Variants in ZNF571 observed in about 807,000 individuals in gnomAD.
ZNF571 encodes the protein zinc finger protein 571.
Under a neutral mutation model 7.7 loss-of-function variants are expected in ZNF571, and 4 were observed. The ratio of observed to expected loss-of-function variants is 0.52; its 90% CI spans 0.25 to 1.18. The LOEUF is 1.18. ZNF571 is among the 50% of genes most tolerant of loss of function. ZNF571 has a pLI of 0.14. For synonymous variants in ZNF571, 251 were observed against 232.4 expected, an observed-to-expected ratio of 1.08 and a Z score of -0.73; for missense variants, 704 against 726.9, an observed-to-expected ratio of 0.97 and a Z score of 0.36.
chr19:37,565,125 T>G lies in ZNF571; in HGVS notation c.1303A>C (p.Ser435Arg), dbSNP rs2042804008. 5.0e-6 allele frequency: 8 copies of G among 1,613,268 alleles called. No individual in the cohort carries two copies. The highest frequency in any genetic ancestry group is 6.8e-6 in the Non-Finnish European group (8 of 1,179,454). Reference protein sequence around the residue: ...GKAFICGKQLSEHQRIHTGEK... With the variant: ...GKAFICGKQLREHQRIHTGEK... ...CCTGTATGAATTCTCTGATGTTCAC[T>G]AAGTTGTTTGCCACAAATAAAGGCC... The change falls in exon 4 of 4, where the codon AGT (serine) becomes CGT (arginine). Residue 435 changes from serine (S) to arginine (R), a missense_variant. Ser to Arg is a moderately radical substitution (Grantham distance 110, BLOSUM62 -1). Transcript: ENST00000451802.
chr19:37,589,560 G>T (rs974303825), intron 1 of ZNF571, among the ~76,000 whole-genome samples: 1 of 151,880 alleles, frequency 6.6e-6, no homozygotes, highest in African/African-American at 2.4e-5. Context: ...AAATTGAAAC[G>T]AAATTGAGAA....
At chr19:37,590,027 A>G (rs140106325) in intron 1 of ZNF571, among the ~76,000 whole-genome samples, 4 of 152,034 alleles carry the variant, frequency 2.6e-5, no homozygotes, top group African/African-American at 9.7e-5. Flanking sequence ...TTTCCATTAA[A>G]AGAGACTAAA....
At position 37,566,056 on chromosome 19, in the gene ZNF571, G is replaced by A. The variant is rs1044945224; in HGVS notation, c.372C>T (p.Thr124=). The change falls in exon 4 of 4, where the codon ACC becomes ACT. Residue 124 remains threonine (T), a synonymous_variant. Coordinates refer to ENST00000451802, the MANE Select transcript of ZNF571 (RefSeq NM_016536.5). ...GAATTATCCGATGAAAAGTAGAAGA[G>A]GTTGAATGACTTTCAGTGGCCTTTT... ...CEEKATESHS[T]SSTFHRIIPT... is the part of the protein sequence containing the mutation. The A allele has an allele frequency of 3.1e-6, 5 of 1,613,966 alleles. No homozygotes were observed. The highest frequency in any genetic ancestry group is 4.2e-6 in the Non-Finnish European group (5 of 1,179,960).
At position 37,565,714 on chromosome 19, in the gene ZNF571, G is replaced by T; in HGVS notation, c.714C>A (p.Leu238=). The T allele has an allele frequency of 6.2e-7, 1 of 1,613,758 alleles. No homozygotes were observed. Among genetic ancestry groups the T allele is most frequent in the Non-Finnish European group, 8.5e-7 (1 of 1,179,896 alleles). The change falls in exon 4 of 4, where the codon CTC becomes CTA. Residue 238 remains leucine (L), a synonymous_variant. Coordinates refer to ENST00000451802, the MANE Select transcript of ZNF571 (RefSeq NM_016536.5). ...CGKAFIRGSQ[L]TEHQRVHTGE... ...CTGTATGAACTCTCTGATGTTCAGT[G>T]AGCTGTGAACCACGAATAAAAGCTT...
At position 37,565,391 on chromosome 19, in the gene ZNF571, C is replaced by T; in HGVS notation, c.1037G>A (p.Cys346Tyr). 3 of 1,613,550 alleles carry T rather than the reference C, an allele frequency of 1.9e-6. No individual in the cohort carries two copies. The highest frequency in any genetic ancestry group is 1.7e-6 in the Non-Finnish European group (2 of 1,179,828). Residue 346 changes from cysteine to tyrosine, a missense_variant, in exon 4 of 4, where the codon TGT becomes TAT. Cys to Tyr is a radical substitution (Grantham distance 194). Transcript: ENST00000451802. ...CTGATGTTCATTCAGTTGGGAGGCA[C>T]ATAAAAAGGCTTTCCCACATTCTTT... is the stretch of plus-strand genomic sequence containing the variant. ...ICKECGKAFL[C>Y]ASQLNEHQRI...
chr19:37,583,861 C>T (rs1249059690), intron 3 of ZNF571, 110 bp downstream of exon 3: 1 of 1,144,368 alleles, frequency 8.7e-7, no homozygotes, highest in African/African-American at 1.6e-5. Context: ...TCCATTTCTA[C>T]TTCTACTCAA....
intron 3 of ZNF571, among the ~76,000 whole-genome samples, chr19:37,570,851 C>CT (rs1413970337): frequency 6.6e-6 from 1 of 152,112 alleles, no homozygotes. Context: ...AAACCCACCC[C>CT]TTTATATCCT....
rs1487273000 is a variant in ZNF571, at chr19:37,565,712, G to C, written c.716C>G (p.Thr239Ser). 4 of 1,613,816 alleles carry C rather than the reference G, an allele frequency of 2.5e-6. No individual in the cohort carries two copies. In the South Asian group the frequency reaches 4.4e-5, roughly 18 times the overall value. The change falls in exon 4 of 4, where the codon ACT becomes AGT. Residue 239 changes from threonine to serine, a missense_variant. Physicochemically the swap from Thr to Ser is moderately conservative, Grantham distance 58 (BLOSUM62 1). Coordinates refer to ENST00000451802, the MANE Select transcript of ZNF571 (RefSeq NM_016536.5). The part of the protein sequence containing the change: ...GKAFIRGSQL[T>S]EHQRVHTGEK... ...TCCTGTATGAACTCTCTGATGTTCA[G>C]TGAGCTGTGAACCACGAATAAAAGC...
At chr19:37,589,726 C>T (rs1428254122) in intron 1 of ZNF571, among the ~76,000 whole-genome samples, 1 of 151,458 alleles carries the variant, frequency 6.6e-6, no homozygotes, top group Non-Finnish European at 1.5e-5. Context: ...ATTAGCCAGG[C>T]GTGGTGGCGG....
In ZNF571 at chr19:37,565,165, A is replaced by C; in HGVS notation, c.1263T>G (p.Cys421Trp). The change falls in exon 4 of 4, where the codon TGT (cysteine) becomes TGG (tryptophan). Residue 421 changes from cysteine (C) to tryptophan (W), a missense_variant. Coordinates refer to ENST00000451802, the MANE Select transcript of ZNF571 (RefSeq NM_016536.5). ...RIHTGEKPYKCKECGKAFICG... is the reference protein window; with the variant it reads ...RIHTGEKPYKWKECGKAFICG... ...AAATAAAGGCCTTTCCACATTCCTT[A>C]CATTTGTAGGGCTTCTCTCCGGTAT... 1 of 1,613,526 alleles carries C rather than the reference A, an allele frequency of 6.2e-7. No individual in the cohort carries two copies. Among genetic ancestry groups the C allele is most frequent in the Non-Finnish European group, 8.5e-7 (1 of 1,179,822 alleles).
At chr19:37,584,225 G>T in intron 2 of ZNF571, 128 bp from the exon 3 acceptor site, 2 of 1,315,272 alleles carry the variant, frequency 1.5e-6, no homozygotes, top group Admixed American at 2.0e-5. Flanking sequence ...TGCCTAAACA[G>T]TAGTATTAAC....
chr19:37,566,276 C>T lies in ZNF571; in HGVS notation c.152G>A (p.Cys51Tyr), dbSNP rs1248441206. 1 of 1,610,216 alleles carries T rather than the reference C, an allele frequency of 6.2e-7. No individual in the cohort carries two copies. The highest frequency in any genetic ancestry group is 2.2e-5 in the East Asian group (1 of 44,812). Residue 51 changes from cysteine (C) to tyrosine (Y), a missense_variant, in exon 4 of 4, where the codon TGT (cysteine) becomes TAT (tyrosine). Cys to Tyr is a radical substitution (Grantham distance 194, BLOSUM62 -2). Transcript: ENST00000451802. The stretch of plus-strand genomic sequence containing the variant: ...TTCTGGAGATAACTTTTTGGTCACA[C>T]AACTGGATTCCAAGTCTGTAGAATA... ...NLISLDLESS[C>Y]VTKKLSPEKE... is the part of the protein sequence containing the mutation.
chr19:37,579,834 T>C (rs2043387010), intron 3 of ZNF571, among the ~76,000 whole-genome samples: 1 of 152,204 alleles, frequency 6.6e-6, no homozygotes, highest in Non-Finnish European at 1.5e-5. Context: ...TATACTTTTT[T>C]TGATCCAGCT....
intron 3 of ZNF571, among the ~76,000 whole-genome samples, chr19:37,576,042 T>TAC (rs34837052): frequency 0.045 from 6,668 of 148,890 alleles, 395 homozygotes; most frequent in African/African-American, 0.14. Context: ...CATACATGCA[T>TAC]ACACACACAC....
chr19:37,567,852 A>G (rs2042914757), intron 3 of ZNF571: 1 of 152,186 alleles, frequency 6.6e-6, no homozygotes, highest in South Asian at 2.1e-4. Flanking sequence ...CTCAAGCTCT[A>G]CATGTGTAGG....
intron 3 of ZNF571, among the ~76,000 whole-genome samples, chr19:37,576,988 A>C (rs12151280): frequency 0.21 from 31,796 of 152,070 alleles, 3,427 homozygotes; most frequent in South Asian, 0.35. Flanking sequence ...CATCTTCTGC[A>C]AAACCTTAAA....
At chr19:37,573,893 CTACTT>C (rs1279183323) in intron 3 of ZNF571, among the ~76,000 whole-genome samples, 2 of 151,820 alleles carry the variant, frequency 1.3e-5, no homozygotes. Flanking sequence ...GCTGCTATTA[CTACTT>C]TATTCACAGC....
intron 3 of ZNF571, among the ~76,000 whole-genome samples, chr19:37,568,758 A>G (rs1298708987): frequency 1.3e-5 from 2 of 152,200 alleles, no homozygotes; most frequent in Non-Finnish European, 2.9e-5. Flanking sequence ...ATTAATGAAA[A>G]AACTATATGG....
chr19:37,571,710 A>C (rs2043058945), intron 3 of ZNF571, among the ~76,000 whole-genome samples: 2 of 152,332 alleles, frequency 1.3e-5, no homozygotes, highest in South Asian at 4.1e-4. Flanking sequence ...AAGTAACCCC[A>C]ACATATGTTG....
Sources: allele counts gnomAD v4.1 joint callset (sites outside exome capture counted in the v4.1 genomes callset), GRCh38; gene constraint gnomAD v4.1.1; transcripts MANE v1.5; gene names NCBI Gene and HGNC (gene_info 2026-07-23, HGNC 2026-07-21).